Variants in ZDHHC15 observed in about 807,000 individuals in gnomAD.
ZDHHC15 encodes the protein palmitoyltransferase ZDHHC15.
ZDHHC15 carries 19 observed loss-of-function variants against 31.7 expected under a neutral mutation model. That is an observed-to-expected ratio of 0.60 (90% CI 0.42 to 0.88). The LOEUF is 0.88. ZDHHC15 is among the 40% of genes least tolerant of loss of function. ZDHHC15 has a pLI of 0.00. For missense variants in ZDHHC15, 209 were observed against 251.2 expected, an observed-to-expected ratio of 0.83 and a Z score of 1.14; for synonymous variants, 103 against 90.0, an observed-to-expected ratio of 1.14 and a Z score of -0.82.
At chrX:75,407,958 A>G (rs946641288) in intron 10 of ZDHHC15, among the ~76,000 whole-genome samples, 3 of 111,348 alleles carry the variant, frequency 2.7e-5, no homozygotes, top group Admixed American at 9.5e-5. Context: ...CTCAGGGTTA[A>G]ATGGATTAAG....
At chrX:75,485,145 C>A (rs1263639338) in intron 2 of ZDHHC15, among the ~76,000 whole-genome samples, 3 of 111,141 alleles carry the variant, frequency 2.7e-5, no homozygotes, top group Admixed American at 9.6e-5. Flanking sequence ...TTTTTACATT[C>A]CTGTTTACTA....
At chrX:75,395,385 A>T (rs1406700756) in intron 10 of ZDHHC15, among the ~76,000 whole-genome samples, 1 of 112,208 alleles carries the variant, frequency 8.9e-6, no homozygotes, top group South Asian at 3.7e-4. Flanking sequence ...ACATGCAAAA[A>T]TTAGTAGCAT....
intron 3 of ZDHHC15, among the ~76,000 whole-genome samples, chrX:75,454,190 G>T (rs1385090195): frequency 8.9e-6 from 1 of 111,958 alleles, no homozygotes; most frequent in African/African-American, 3.2e-5. Context: ...CTTCAGCAAA[G>T]TCTCAGGATA....
At position 75,372,379 on chromosome X, in the gene ZDHHC15, A is replaced by G. The variant is rs1429711173; in HGVS notation, c.*599T>C. On this transcript the variant is annotated 3_prime_UTR_variant, in exon 12 of 12. Transcript: ENST00000373367. ...ACTGATTCACCCTCCCAAATTTTAG[A>G]TACTTGATATAGCGATGATTCAAAG... 1 of 111,883 alleles carries G rather than the reference A, an allele frequency of 8.9e-6. No individual in the cohort carries two copies. The highest frequency in any genetic ancestry group is 1.9e-5 in the Non-Finnish European group (1 of 53,139). The allele number at this position is 111,883 out of a possible 1,213,427, so 9.2% of individuals were successfully genotyped here.
At chrX:75,378,917 C>T (rs2083086773) in intron 11 of ZDHHC15, among the ~76,000 whole-genome samples, 1 of 111,153 alleles carries the variant, frequency 9.0e-6, no homozygotes, top group Non-Finnish European at 1.9e-5. Flanking sequence ...TGTGAGTTTG[C>T]AGGGAATAAG....
chrX:75,454,699 G>A (rs1432514704), intron 3 of ZDHHC15, among the ~76,000 whole-genome samples: 5 of 111,278 alleles, frequency 4.5e-5, no homozygotes, highest in African/African-American at 1.6e-4. Context: ...CACCAACATG[G>A]CACATGTTTA....
chrX:75,424,118 C>A (rs1219357295), intron 8 of ZDHHC15, among the ~76,000 whole-genome samples: 1 of 111,291 alleles, frequency 9.0e-6, no homozygotes, highest in Non-Finnish European at 1.9e-5. Flanking sequence ...GTATTTATCT[C>A]ATTCCCATAG....
intron 10 of ZDHHC15, among the ~76,000 whole-genome samples, chrX:75,388,504 T>C (rs1322543833): frequency 8.9e-6 from 1 of 112,257 alleles, no homozygotes; most frequent in African/African-American, 3.2e-5. Flanking sequence ...AGAAAAGCTG[T>C]CCTCTCTTTA....
chrX:75,410,471 C>T (rs2083472780), intron 10 of ZDHHC15, among the ~76,000 whole-genome samples: 1 of 112,216 alleles, frequency 8.9e-6, no homozygotes, highest in Admixed American at 9.4e-5. Flanking sequence ...CACAAGAAGA[C>T]ATACAAATGG....
Position 75,474,282 on chromosome X carries a change from T to C in ZDHHC15, c.258+4609A>G, listed in dbSNP as rs759168856. Among the ~76,000 whole-genome samples, 112 of 109,621 alleles carry C rather than the reference T, an allele frequency of 1.0e-3. 1 individual carries two copies. The highest frequency in any genetic ancestry group is 3.7e-3 in the African/African-American group (111 of 30,208). On this transcript the variant is annotated intron_variant, in intron 3 of 11. Coordinates refer to ENST00000373367, the MANE Select transcript of ZDHHC15 (RefSeq NM_144969.3). ...TGGCCTAGCCTCCAAGCCTCGATCT[T>C]TCTCCTGTGCTGGACCTTTCATGCC...
chrX:75,522,818 C>A, intron 1 of ZDHHC15, 71 bp downstream of exon 1: 1 of 1,167,486 alleles, frequency 8.6e-7, no homozygotes, highest in Non-Finnish European at 1.2e-6. Flanking sequence ...CAAGGGACAC[C>A]AGTGTGAAGG....
chrX:75,403,464 T>A (rs1417581559), intron 10 of ZDHHC15, among the ~76,000 whole-genome samples: 1 of 111,852 alleles, frequency 8.9e-6, no homozygotes, highest in African/African-American at 3.3e-5. Context: ...ATGATATGAT[T>A]CTCTATCTAG....
intron 10 of ZDHHC15, among the ~76,000 whole-genome samples, chrX:75,401,305 C>T (rs749968484): frequency 1.8e-5 from 2 of 110,559 alleles, no homozygotes; most frequent in South Asian, 3.8e-4. Flanking sequence ...AACACACTGA[C>T]CAGTGTCACT....
At chrX:75,491,560 G>A (rs903977997) in intron 2 of ZDHHC15, among the ~76,000 whole-genome samples, 1 of 108,372 alleles carries the variant, frequency 9.2e-6, no homozygotes, top group African/African-American at 3.4e-5. Context: ...CACCAGCATG[G>A]CACATGTATA....
At chrX:75,463,604 C>CAACAACAACAACAACAAA (rs1296063398) in intron 3 of ZDHHC15, among the ~76,000 whole-genome samples, 1 of 110,811 alleles carries the variant, frequency 9.0e-6, no homozygotes, top group East Asian at 2.8e-4. Context: ...ACAACAACAA[C>CAACAACAACAACAACAAA]AAAAAACCCA....
intron 3 of ZDHHC15, among the ~76,000 whole-genome samples, chrX:75,455,351 T>G (rs1389424931): frequency 1.8e-5 from 2 of 111,806 alleles, no homozygotes; most frequent in Non-Finnish European, 3.8e-5. Flanking sequence ...TCCTTACACC[T>G]TGTACAAAAA....
intron 4 of ZDHHC15, among the ~76,000 whole-genome samples, chrX:75,437,332 A>T (rs1389774344): frequency 3.9e-5 from 4 of 101,637 alleles, no homozygotes; most frequent in East Asian, 3.1e-4. Context: ...CATGTGCACA[A>T]TGTGCAGGTT....
intron 10 of ZDHHC15, among the ~76,000 whole-genome samples, chrX:75,394,708 C>A (rs2083281889): frequency 8.9e-6 from 1 of 111,801 alleles, no homozygotes; most frequent in Non-Finnish European, 1.9e-5. Flanking sequence ...AACACTGGAA[C>A]ACCCAGAGGT....
intron 10 of ZDHHC15, among the ~76,000 whole-genome samples, chrX:75,397,551 A>AC (rs1227528652): frequency 3.7e-5 from 4 of 109,211 alleles, no homozygotes; most frequent in African/African-American, 6.6e-5. Flanking sequence ...ATAAAAAAAA[A>AC]CTTGTTTTAA....
Sources: allele counts gnomAD v4.1 joint callset (sites outside exome capture counted in the v4.1 genomes callset), GRCh38; gene constraint gnomAD v4.1.1; transcripts MANE v1.5; gene names NCBI Gene and HGNC (gene_info 2026-07-23, HGNC 2026-07-21).